ROCK1: variants seen among roughly 807,000 people sequenced by gnomAD.
ROCK1 encodes rho-associated protein kinase 1.
A neutral mutation model predicts 196.8 loss-of-function variants in ROCK1; 36 were observed. The ratio of observed to expected loss-of-function variants is 0.18; its 90% CI spans 0.14 to 0.24. The LOEUF (loss-of-function observed/expected upper bound fraction) is 0.24, where lower values mean the gene tolerates loss of function less well. ROCK1 is among the 10% of genes least tolerant of loss of function. The pLI, the probability that ROCK1 is intolerant of heterozygous loss-of-function variation, is 1.00. For missense variants in ROCK1, 920 were observed against 1,562.0 expected, an observed-to-expected ratio of 0.59 and a Z score of 6.93; for synonymous variants, 443 against 515.9, an observed-to-expected ratio of 0.86 and a Z score of 1.91.
intron 11 of ROCK1, among the ~76,000 whole-genome samples, chr18:21,020,843 C>T (rs1286257965): frequency 6.6e-6 from 1 of 152,174 alleles, no homozygotes; most frequent in Non-Finnish European, 1.5e-5. Context: ...AAAAACAACT[C>T]ACATTAAGCC....
Position 20,953,574 on chromosome 18 carries a change from T to C in ROCK1, c.4061+4A>G, listed in dbSNP as rs1247336551. 1 of 1,539,190 alleles carries C rather than the reference T, an allele frequency of 6.5e-7. No individual in the cohort carries two copies. On this transcript the variant is annotated splice_donor_region_variant and intron_variant, in intron 32 of 32. Transcript: ENST00000399799. ...TTAAAAACGTTAGCATTTCAAATCC[T>C]TACCTAGTTTTTCCAGATGTATTTT...
intron 2 of ROCK1, among the ~76,000 whole-genome samples, chr18:21,065,547 A>T (rs2036326879): frequency 6.6e-6 from 1 of 152,130 alleles, no homozygotes; most frequent in African/African-American, 2.4e-5. Context: ...GACATCCATA[A>T]TGGTTTATAA....
intron 1 of ROCK1, among the ~76,000 whole-genome samples, chr18:21,100,873 CCT>C (rs2036653747): frequency 6.6e-6 from 1 of 152,146 alleles, no homozygotes; most frequent in Non-Finnish European, 1.5e-5. Flanking sequence ...TTTCCTCTTC[CCT>C]GTTTCCTGCT....
chr18:21,034,543 A>G (rs1012470367), intron 9 of ROCK1, among the ~76,000 whole-genome samples: 6 of 152,248 alleles, frequency 3.9e-5, no homozygotes, highest in Admixed American at 3.3e-4. Context: ...CTTTCAATGC[A>G]GGGAAAGGAC....
intron 1 of ROCK1, among the ~76,000 whole-genome samples, chr18:21,108,993 C>G (rs947863517): frequency 2.0e-5 from 3 of 152,140 alleles, no homozygotes; most frequent in African/African-American, 7.2e-5. Context: ...CCAGTCATGT[C>G]TCCACCCTCT....
At chr18:20,971,542 G>A (rs1196977785) in intron 22 of ROCK1, among the ~76,000 whole-genome samples, 1 of 151,750 alleles carries the variant, frequency 6.6e-6, no homozygotes, top group Non-Finnish European at 1.5e-5. Context: ...TTGGAGACCA[G>A]TCTGCCAACG....
chr18:21,104,057 G>C (rs1203411856), intron 1 of ROCK1, among the ~76,000 whole-genome samples: 2 of 152,328 alleles, frequency 1.3e-5, no homozygotes, highest in Admixed American at 6.5e-5. Context: ...TAGTGGGGAT[G>C]AGGAATGGAG....
intron 29 of ROCK1, among the ~76,000 whole-genome samples, chr18:20,958,903 ATATATATTT>A (rs1447252672): frequency 2.2e-4 from 24 of 107,988 alleles, no homozygotes; most frequent in South Asian, 4.8e-4. Flanking sequence ...TTATTTATAT[ATATATATTT>A]TATATATTTT....
chr18:21,016,396 C>T (rs1364165088), intron 12 of ROCK1, among the ~76,000 whole-genome samples: 1 of 152,114 alleles, frequency 6.6e-6, no homozygotes, highest in African/African-American at 2.4e-5. Context: ...CTTGCCACTA[C>T]TCAAAAATTA....
At chr18:21,069,958 T>G (rs1346737373) in intron 2 of ROCK1, among the ~76,000 whole-genome samples, 4 of 151,982 alleles carry the variant, frequency 2.6e-5, no homozygotes, top group African/African-American at 7.2e-5. Context: ...AAGATATGAC[T>G]ATTTAGAAAA....
chr18:20,954,237 ATGTTTGTTTGTTTTTGTT>A, intron 31 of ROCK1, among the ~76,000 whole-genome samples: 1 of 140,628 alleles, frequency 7.1e-6, no homozygotes, highest in Non-Finnish European at 1.5e-5. Flanking sequence ...TCTTAGCAGC[ATGTTTGTTTGTTTTTGTT>A]TGTTTACAAG....
chr18:20,986,824 C>T (rs2143397880), intron 19 of ROCK1, 126 bp downstream of exon 19: 1 of 844,012 alleles, frequency 1.2e-6, no homozygotes, highest in Non-Finnish European at 1.8e-6. Context: ...GCAGTGAACA[C>T]AGACCCATGT....
intron 9 of ROCK1, among the ~76,000 whole-genome samples, chr18:21,034,758 A>G (rs2036042289): frequency 6.6e-6 from 1 of 152,220 alleles, no homozygotes; most frequent in Non-Finnish European, 1.5e-5. Context: ...ATACGAAGCC[A>G]AAGATACAAG....
intron 21 of ROCK1, 75 bp from the exon 22 acceptor site, chr18:20,980,079 A>G: frequency 7.1e-7 from 1 of 1,402,556 alleles, no homozygotes; most frequent in Non-Finnish European, 9.3e-7. Flanking sequence ...TTATAAATTT[A>G]AAAAATTAAC....
At chr18:21,065,664 T>A in intron 2 of ROCK1, among the ~76,000 whole-genome samples, 1 of 152,130 alleles carries the variant, frequency 6.6e-6, no homozygotes, top group Non-Finnish European at 1.5e-5. Context: ...CCCACAACAA[T>A]CGCTTAATTT....
Position 21,111,055 on chromosome 18 carries a change from C to A in ROCK1, c.-145G>T. On this transcript the variant is annotated 5_prime_UTR_variant, in exon 1 of 33. Coordinates refer to ENST00000399799, the MANE Select transcript of ROCK1 (RefSeq NM_005406.3). The surrounding 1 kb of genome is among the most constrained non-coding windows in gnomAD (Gnocchi z 4.2). Reference sequence around the variant, plus strand: ...CAGGTGCGCCCGGTTCCCCCGTCTTCCCCTCACTGAGGGGACCTCCGCTCT... The same window carrying A: ...CAGGTGCGCCCGGTTCCCCCGTCTTACCCTCACTGAGGGGACCTCCGCTCT... 1 of 652,422 alleles carries A rather than the reference C, an allele frequency of 1.5e-6. No individual in the cohort carries two copies. Among genetic ancestry groups the A allele is most frequent in the Non-Finnish European group, 2.7e-6 (1 of 371,098 alleles). 40.4% of individuals were successfully genotyped at this position (652,422 alleles called of 1,614,324 possible). A position where few individuals can be genotyped will look rare whatever the true frequency, so the allele number is the denominator to read the frequency against.
intron 9 of ROCK1, among the ~76,000 whole-genome samples, chr18:21,037,876 A>G (rs895581395): frequency 1.3e-5 from 2 of 152,164 alleles, no homozygotes; most frequent in African/African-American, 4.8e-5. Flanking sequence ...ACAGGTGTTC[A>G]GTAAATAGTT....
intron 1 of ROCK1, among the ~76,000 whole-genome samples, chr18:21,105,681 A>G (rs569537255): frequency 2.4e-4 from 37 of 152,344 alleles, no homozygotes; most frequent in East Asian, 3.9e-4. Context: ...GACAAAACAG[A>G]TAAGTTTATG....
At position 21,093,893 on chromosome 18, in the gene ROCK1, T is replaced by C. The variant is rs543154265; in HGVS notation, c.93+16925A>G. On this transcript the variant is annotated intron_variant, in intron 1 of 32. Coordinates refer to ENST00000399799, the MANE Select transcript of ROCK1 (RefSeq NM_005406.3). Reference sequence around the variant, plus strand: ...ATCGCTTGAACCTGGGAGGTGGAGGTTGCAGTGAGCCGAGATCATGCCACT... The same window carrying C: ...ATCGCTTGAACCTGGGAGGTGGAGGCTGCAGTGAGCCGAGATCATGCCACT... 3.5e-4 allele frequency among the ~76,000 whole-genome samples: 52 copies of C among 150,584 alleles called. No homozygotes were observed. The South Asian group carries it at 0.011, about 31-fold the overall frequency.
Sources: gnomAD v4.1 joint callset for allele counts (sites outside exome capture counted in the v4.1 genomes callset) on GRCh38, gnomAD v4.1.1 for gene constraint, Gnocchi (gnomAD v3.1) non-coding constraint, MANE v1.5 for transcripts, NCBI Gene and HGNC (gene_info 2026-07-23, HGNC 2026-07-21) for gene names.